Variants in XRN2 observed in about 807,000 individuals in gnomAD.
XRN2 encodes DHM1-like protein.
In XRN2, 44 loss-of-function variants were observed where a neutral mutation model predicts 138.5. That is an observed-to-expected ratio of 0.32 (90% CI 0.25 to 0.41). XRN2 has a LOEUF of 0.41. XRN2 is among the 10% of genes least tolerant of loss of function. The probability of loss-of-function intolerance (pLI) is 1.00; values close to 1 mark genes in which losing one functional copy is unlikely to be tolerated. For synonymous variants in XRN2, 354 were observed against 369.4 expected, an observed-to-expected ratio of 0.96 and a Z score of 0.48; for missense variants, 937 against 1,169.3, an observed-to-expected ratio of 0.80 and a Z score of 2.90.
intron 3 of XRN2, 33 bp from the exon 4 acceptor site, chr20:21,328,526 A>G: frequency 5.1e-6 from 8 of 1,575,582 alleles, no homozygotes; most frequent in Non-Finnish European, 6.9e-6. Flanking sequence ...GAATATTTTG[A>G]TGAGTGTTAT....
intron 1 of XRN2, among the ~76,000 whole-genome samples, chr20:21,308,269 A>C (rs887865346): frequency 6.6e-6 from 1 of 152,118 alleles, no homozygotes; most frequent in East Asian, 1.9e-4. Flanking sequence ...GAACATTGGG[A>C]TTGTTTCCAG....
In XRN2 at chr20:21,303,395, C is replaced by T; in HGVS notation, c.-4C>T. ...TCGGCCGCCGCCTCCAGCCGTGTGCCGCTATGGGAGTCCCGGCGTTCTTCC... is the reference window on the plus strand; with the variant it reads ...TCGGCCGCCGCCTCCAGCCGTGTGCTGCTATGGGAGTCCCGGCGTTCTTCC... On this transcript the variant is annotated 5_prime_UTR_variant, in exon 1 of 30. Coordinates refer to ENST00000377191, the MANE Select transcript of XRN2 (RefSeq NM_012255.5). 2.6e-6 allele frequency: 4 copies of T among 1,548,048 alleles called. No individual in the cohort carries two copies. The highest frequency in any genetic ancestry group is 3.5e-6 in the Non-Finnish European group (4 of 1,145,862).
At chr20:21,379,740 A>G in intron 27 of XRN2, among the ~76,000 whole-genome samples, 1 of 152,216 alleles carries the variant, frequency 6.6e-6, no homozygotes, top group East Asian at 1.9e-4. Context: ...CTCCTCCAAA[A>G]AAAGCATTTA....
chr20:21,375,006 A>G (rs1485828148), intron 27 of XRN2, among the ~76,000 whole-genome samples: 1 of 80,338 alleles, frequency 1.2e-5, no homozygotes, highest in Non-Finnish European at 2.4e-5. Context: ...GGTTTTGGTA[A>G]GTTCTTTTTT....
chr20:21,319,812 C>T (rs144268254), intron 1 of XRN2, among the ~76,000 whole-genome samples: 1 of 152,092 alleles, frequency 6.6e-6, no homozygotes, highest in African/African-American at 2.4e-5. Flanking sequence ...ATTTCCTTAG[C>T]CCACTGCAAC....
intron 29 of XRN2, among the ~76,000 whole-genome samples, chr20:21,388,867 G>A (rs1420474127): frequency 6.6e-6 from 1 of 152,160 alleles, no homozygotes; most frequent in Non-Finnish European, 1.5e-5. Flanking sequence ...GCAAGCTCTT[G>A]CCTTGGTTAA....
intron 3 of XRN2, 89 bp from the exon 4 acceptor site, chr20:21,328,470 C>G: frequency 3.9e-6 from 5 of 1,275,264 alleles, no homozygotes; most frequent in Non-Finnish European, 5.5e-6. Flanking sequence ...TAGTGTACTG[C>G]TTTTATAAGA....
intron 27 of XRN2, among the ~76,000 whole-genome samples, chr20:21,375,962 C>T (rs1195856754): frequency 6.6e-6 from 1 of 151,580 alleles, no homozygotes; most frequent in Non-Finnish European, 1.5e-5. Context: ...CCTCAGCCTC[C>T]TGAGTAGCTC....
At chr20:21,346,358 A>T (rs748372572) in intron 16 of XRN2, 57 bp from the exon 17 acceptor site, 17 of 1,596,362 alleles carry the variant, frequency 1.1e-5, no homozygotes, top group Non-Finnish European at 1.4e-5. Flanking sequence ...AAATTAGTAG[A>T]CAGCCTGTTA....
intron 27 of XRN2, among the ~76,000 whole-genome samples, chr20:21,380,236 G>C (rs2038868617): frequency 6.6e-6 from 1 of 152,036 alleles, no homozygotes. Context: ...GTATATATAA[G>C]GGCACTAAAA....
At chr20:21,333,406 A>G in intron 9 of XRN2, 138 bp from the exon 10 acceptor site, 2 of 877,450 alleles carry the variant, frequency 2.3e-6, no homozygotes, top group Non-Finnish European at 3.6e-6. Flanking sequence ...TTTAAAATGC[A>G]TTGGTGAGCT....
intron 20 of XRN2, among the ~76,000 whole-genome samples, chr20:21,353,534 T>TA (rs951399914): frequency 3.3e-5 from 5 of 151,938 alleles, no homozygotes; most frequent in African/African-American, 1.2e-4. Flanking sequence ...CTCATGCTTG[T>TA]AATCTCAGGA....
At chr20:21,325,043 A>G (rs1034178086) in intron 1 of XRN2, among the ~76,000 whole-genome samples, 2 of 152,304 alleles carry the variant, frequency 1.3e-5, no homozygotes, top group Admixed American at 1.3e-4. Context: ...AAACATGTCT[A>G]TTTTAGACTT....
rs111924795 is a variant in XRN2, at chr20:21,312,700, C to T, written c.75+9227C>T. ...TCTCTGCTCACTGCAACCTCTGCCT[C>T]CTGGGTTCAAGCCATTCTTCCTCAG... On this transcript the variant is annotated intron_variant, in intron 1 of 29. Coordinates refer to ENST00000377191, the MANE Select transcript of XRN2 (RefSeq NM_012255.5). Among the ~76,000 whole-genome samples, 106 of 151,382 alleles carry T rather than the reference C, an allele frequency of 7.0e-4. 2 individuals are homozygous for T. Among genetic ancestry groups the T allele is most frequent in the African/African-American group, 2.4e-3 (98 of 41,038 alleles).
intron 1 of XRN2, among the ~76,000 whole-genome samples, chr20:21,310,009 C>T (rs1316784448): frequency 5.3e-5 from 8 of 151,998 alleles, no homozygotes; most frequent in Non-Finnish European, 1.0e-4. Flanking sequence ...CTTGTTTTTT[C>T]TCTTCCTTGT....
chr20:21,315,035 G>A lies in XRN2; in HGVS notation c.76-11244G>A, dbSNP rs370077391. On this transcript the variant is annotated intron_variant, in intron 1 of 29. Coordinates refer to ENST00000377191, the MANE Select transcript of XRN2 (RefSeq NM_012255.5). ...AACCCTGAAAGGCAGCCCACTCTGG[G>A]TTATACACCTCAGGGTTTATGTGAC... 5.3e-5 allele frequency among the ~76,000 whole-genome samples: 8 copies of A among 152,244 alleles called. No individual in the cohort carries two copies. The South Asian group carries it at 1.0e-3, about 20-fold the overall frequency.
chr20:21,343,502 AAC>A (rs1274893394), intron 15 of XRN2, among the ~76,000 whole-genome samples: 1 of 151,936 alleles, frequency 6.6e-6, no homozygotes, highest in South Asian at 2.1e-4. Context: ...TAAGTTATCT[AAC>A]ACAGTCTTAT....
chr20:21,351,750 T>C (rs2038513015), intron 20 of XRN2, among the ~76,000 whole-genome samples: 1 of 152,244 alleles, frequency 6.6e-6, no homozygotes, highest in South Asian at 2.1e-4. Context: ...CCATTTTGAA[T>C]TAATTTTTGT....
rs751250874 is a variant in XRN2, at chr20:21,348,126, T to TA, written c.1666-19dup. 19 of 1,577,294 alleles carry TA rather than the reference T, an allele frequency of 1.2e-5. No homozygotes were observed. The East Asian group carries it at 3.8e-4, about 32-fold the overall frequency. On this transcript the variant is annotated intron_variant, in intron 17 of 29. Transcript: ENST00000377191. ...TAACATAGGTTTTTGATTTTGTTGT[T>TA]ACTTTTTTAATGATTCTAGGGCTGT...
Sources: allele counts gnomAD v4.1 joint callset (sites outside exome capture counted in the v4.1 genomes callset), GRCh38; gene constraint gnomAD v4.1.1; transcripts MANE v1.5; gene names NCBI Gene and HGNC (gene_info 2026-07-23, HGNC 2026-07-21).